Variants in NPRL3 observed in about 807,000 individuals in gnomAD.
The protein encoded by NPRL3 is GATOR1 complex protein NPRL3.
In NPRL3, 23 loss-of-function variants were observed where a neutral mutation model predicts 57.2. The observed-to-expected ratio is 0.40, with a 90% CI of 0.29 to 0.57. The LOEUF (loss-of-function observed/expected upper bound fraction) is 0.57, where lower values mean the gene tolerates loss of function less well. Ranked by LOEUF, NPRL3 falls within the 20% of genes least tolerant of loss-of-function variation. The pLI is 0.42. For synonymous variants in NPRL3, 333 were observed against 321.1 expected (o/e 1.04, Z -0.39); for missense variants, 691 against 767.1 (o/e 0.90, Z 1.17).
intron 2 of NPRL3, among the ~76,000 whole-genome samples, chr16:133,556 A>G (rs942666623): frequency 2.0e-5 from 3 of 151,740 alleles, no homozygotes; most frequent in Admixed American, 1.3e-4. Context: ...TTGTTTTAAG[A>G]GTCAGGGTCT....
intron 3 of NPRL3, among the ~76,000 whole-genome samples, chr16:128,273 C>T (rs1350545780): frequency 6.6e-6 from 1 of 152,190 alleles, no homozygotes; most frequent in South Asian, 2.1e-4. Context: ...GCATAAGCCA[C>T]GACATCTGGC....
chr16:95,645 C>T (rs1484306599), intron 9 of NPRL3, among the ~76,000 whole-genome samples: 4 of 152,122 alleles, frequency 2.6e-5, no homozygotes, highest in African/African-American at 9.7e-5. Flanking sequence ...TCACAATTCA[C>T]TGCAGCCTCG....
At chr16:100,594 G>A (rs973459094) in intron 7 of NPRL3, 85 bp from the exon 8 acceptor site, 16 of 1,276,484 alleles carry the variant, frequency 1.3e-5, no homozygotes, top group Non-Finnish European at 1.6e-5. Context: ...CAATGGTGCT[G>A]ATTCCCCTGC....
intron 4 of NPRL3, among the ~76,000 whole-genome samples, chr16:118,469 CTG>C (rs34622397): frequency 0.048 from 7,249 of 152,218 alleles, 269 homozygotes; most frequent in African/African-American, 0.097. Context: ...TTGCACCACA[CTG>C]TAGAAAATTC....
chr16:131,374 G>A (rs1370403859), intron 2 of NPRL3, among the ~76,000 whole-genome samples: 1 of 146,064 alleles, frequency 6.8e-6, no homozygotes, highest in Non-Finnish European at 1.5e-5. Context: ...AGCTACTCTG[G>A]AGGGTGAGGC....
At chr16:109,900 A>T (rs1011285572) in intron 7 of NPRL3, among the ~76,000 whole-genome samples, 1 of 152,226 alleles carries the variant, frequency 6.6e-6, no homozygotes, top group East Asian at 1.9e-4. Flanking sequence ...ATTGGGAAAT[A>T]TAAGTCCTTA....
chr16:93,025 CAG>C, intron 10 of NPRL3, 192 bp downstream of exon 10: 1 of 620,120 alleles, frequency 1.6e-6, no homozygotes, highest in South Asian at 1.9e-5. Context: ...AGGAGAGCCA[CAG>C]AGCACAGAGC....
At chr16:110,714 A>AT in intron 6 of NPRL3, 108 bp from the exon 7 acceptor site, 1 of 826,450 alleles carries the variant, frequency 1.2e-6, no homozygotes. Flanking sequence ...TGTCTGGCTA[A>AT]TTTTTTTGTA....
chr16:131,754 AGAC>A (rs1282035173), intron 2 of NPRL3, among the ~76,000 whole-genome samples: 2 of 152,096 alleles, frequency 1.3e-5, no homozygotes, highest in Non-Finnish European at 2.9e-5. Context: ...TCTTAAAATA[AGAC>A]AACAATGACC....
intron 12 of NPRL3, 34 bp downstream of exon 12, chr16:89,679 C>A: frequency 6.7e-7 from 1 of 1,496,846 alleles, no homozygotes; most frequent in East Asian, 2.5e-5. Flanking sequence ...AAGCGTCTCC[C>A]CTGACTACCA....
rs1567151960 is a variant in NPRL3, at chr16:138,139, CG to C, written c.118+10del. 6.3e-7 allele frequency: 1 copy of C among 1,583,820 alleles called. No homozygotes were observed. The highest frequency in any genetic ancestry group is 8.6e-7 in the Non-Finnish European group (1 of 1,164,774). On this transcript the variant is annotated intron_variant, in intron 2 of 13. Coordinates refer to ENST00000611875, the MANE Select transcript of NPRL3 (RefSeq NM_001077350.3). ...CCGCGAGCGCCAGGCCCCCGCCCAGCGCTCACTTACTTGTCTGGGACGCCGG... is the reference window on the plus strand; with the variant it reads ...CCGCGAGCGCCAGGCCCCCGCCCAGCCTCACTTACTTGTCTGGGACGCCGG...
intron 7 of NPRL3, among the ~76,000 whole-genome samples, chr16:105,921 C>T (rs574340782): frequency 4.4e-4 from 67 of 152,306 alleles, no homozygotes; most frequent in African/African-American, 1.6e-3. Context: ...GCCTCCTGAG[C>T]GATTCACATT....
In NPRL3 at chr16:119,137, C is replaced by T; in HGVS notation, c.307G>A (p.Ala103Thr). The T allele has an allele frequency of 6.2e-7, 1 of 1,613,654 alleles. No individual in the cohort carries two copies. The highest frequency in any genetic ancestry group is 8.5e-7 in the Non-Finnish European group (1 of 1,179,728). The change falls in exon 4 of 14, where the codon GCT becomes ACT. Residue 103 changes from alanine to threonine, a missense_variant. Ala to Thr is a moderately conservative substitution (Grantham distance 58). Transcript: ENST00000611875. ...AGGGAGAGCCATACCTGCCCCAGAG[C>T]ATGCTGTAGCAGTGTTGGGTGCCCA... Reference protein sequence around the residue: ...FVGHPTLLQHALGQISKTDPS... With the variant: ...FVGHPTLLQHTLGQISKTDPS...
At chr16:88,142 T>C (rs1454433873) in intron 13 of NPRL3, among the ~76,000 whole-genome samples, 2 of 152,218 alleles carry the variant, frequency 1.3e-5, no homozygotes, top group African/African-American at 4.8e-5. Flanking sequence ...CACATCACCT[T>C]TAACATGGGG....
In NPRL3 at chr16:85,414, C is replaced by T. The variant is rs749613799; in HGVS notation, c.*1291G>A. On this transcript the variant is annotated 3_prime_UTR_variant, in exon 14 of 14. Transcript: ENST00000611875. ...TCCGTCCCACAGGGGACGGGGCTTG[C>T]GTCTTGCTGCGAGCACTGGAGCCCC... 13 of 1,606,394 alleles carry T rather than the reference C, an allele frequency of 8.1e-6. No homozygotes were observed. The highest frequency in any genetic ancestry group is 6.7e-5 in the African/African-American group (5 of 74,814).
At chr16:117,215 G>A (rs1223489009) in intron 5 of NPRL3, 86 bp downstream of exon 5, 44 of 938,002 alleles carry the variant, frequency 4.7e-5, no homozygotes, top group Middle Eastern at 4.3e-4. Context: ...TCCAAGCTCC[G>A]AGTCAATGAC....
chr16:117,752 G>C (rs28508049), intron 4 of NPRL3, among the ~76,000 whole-genome samples: 4,499 of 152,338 alleles, frequency 0.03, 232 homozygotes, highest in African/African-American at 0.1. Context: ...ACAATTGAGG[G>C]ACAGGACGAT....
Position 89,660 on chromosome 16 carries a change from G to A in NPRL3, c.1351+53C>T, listed in dbSNP as rs756657638. 247 of 1,425,876 alleles carry A rather than the reference G, an allele frequency of 1.7e-4. 2 individuals carry two copies. The highest frequency in any genetic ancestry group is 1.9e-4 in the Non-Finnish European group (205 of 1,093,534). The allele number at this position is 1,425,876 out of a possible 1,614,324, so 88.3% of individuals were successfully genotyped here. A position where few individuals can be genotyped will look rare whatever the true frequency, so the allele number is the denominator to read the frequency against. ...ACCACCCACGTTGAGCCTCCTGGAT[G>A]CCACCCCCAAGCGTCTCCCCTGACT... On this transcript the variant is annotated intron_variant, in intron 12 of 13. Coordinates refer to ENST00000611875, the MANE Select transcript of NPRL3 (RefSeq NM_001077350.3).
At chr16:94,236 C>T (rs1898889993) in intron 9 of NPRL3, among the ~76,000 whole-genome samples, 1 of 152,114 alleles carries the variant, frequency 6.6e-6, no homozygotes, top group Non-Finnish European at 1.5e-5. Flanking sequence ...ACAACCCAAA[C>T]CCCTTCCAGA....
Sources: allele counts gnomAD v4.1 joint callset (sites outside exome capture counted in the v4.1 genomes callset), GRCh38; gene constraint gnomAD v4.1.1; transcripts MANE v1.5; gene names NCBI Gene and HGNC (gene_info 2026-07-23, HGNC 2026-07-21).